Variants in REEP2 observed in about 807,000 individuals in gnomAD.
The protein encoded by REEP2 is receptor accessory protein 2, also known as receptor expression-enhancing protein 2.
REEP2 carries 9 observed loss-of-function variants against 32.1 expected under a neutral mutation model. The ratio of observed to expected loss-of-function variants is 0.28; its 90% CI spans 0.17 to 0.49. The LOEUF (loss-of-function observed/expected upper bound fraction) is 0.49, where lower values mean the gene tolerates loss of function less well. REEP2 is among the 20% of genes least tolerant of loss of function. REEP2 has a pLI of 0.99. For missense variants in REEP2, 236 were observed against 338.0 expected (o/e 0.70, Z 2.37); for synonymous variants, 128 against 139.1 (o/e 0.92, Z 0.56).
In REEP2 at chr5:138,444,546, A is replaced by G; in HGVS notation, c.303+11A>G. 6.2e-6 allele frequency: 10 copies of G among 1,613,026 alleles called. No individual in the cohort carries two copies. Among genetic ancestry groups the G allele is most frequent in the Non-Finnish European group, 8.5e-6 (10 of 1,179,458 alleles). On this transcript the variant is annotated intron_variant, in intron 4 of 7. Transcript: ENST00000378339. ...TCCAACAAGGAGAAGGTTTGCCCCC[A>G]CTCTCAGCTCACCTCCCAGCCTGCC...
chr5:138,439,824 G>A (rs531202588), intron 1 of REEP2: 137 of 452,438 alleles, frequency 3.0e-4, no homozygotes, highest in African/African-American at 2.6e-3. Context: ...CAAAGTGTGA[G>A]AGGTAACTGG....
At position 138,442,504 on chromosome 5, in the gene REEP2, A is replaced by G. The variant is rs548953734; in HGVS notation, c.182+1043A>G. ...AAGGCAGGCAGATCACGAGGTCAGG[A>G]GATCGAGACCATCCTGGCCAACACG... is the stretch of plus-strand genomic sequence containing the variant. On this transcript the variant is annotated intron_variant, in intron 3 of 7. Transcript: ENST00000378339. 5.3e-5 allele frequency among the ~76,000 whole-genome samples: 8 copies of G among 152,016 alleles called. No individual in the cohort carries two copies. The South Asian group carries it at 1.7e-3, about 32-fold the overall frequency.
chr5:138,444,939 A>G (rs982337044), intron 5 of REEP2, 72 bp downstream of exon 5: 11 of 1,151,960 alleles, frequency 9.5e-6, no homozygotes, highest in Admixed American at 9.2e-5. Flanking sequence ...GCCCCTTTGC[A>G]TCCACCCTGT....
At chr5:138,445,037 C>T (rs1207167284) in intron 5 of REEP2, 170 bp downstream of exon 5, 46 of 783,356 alleles carry the variant, frequency 5.9e-5, no homozygotes, top group South Asian at 4.5e-4. Flanking sequence ...TTTGATTGTC[C>T]GGCCATTTCC....
chr5:138,442,632 G>A (rs1763846360), intron 3 of REEP2, among the ~76,000 whole-genome samples: 1 of 152,060 alleles, frequency 6.6e-6, no homozygotes, highest in South Asian at 2.1e-4. Context: ...GAGGTGGGCG[G>A]ATCATGAAGT....
At chr5:138,440,869 T>C in intron 1 of REEP2, 147 bp from the exon 2 acceptor site, 1 of 1,465,438 alleles carries the variant, frequency 6.8e-7, no homozygotes, top group Non-Finnish European at 9.1e-7. Flanking sequence ...CCATGCTGCT[T>C]TGACCTTAAC....
At position 138,445,362 on chromosome 5, in the gene REEP2, C is replaced by T; in HGVS notation, c.552C>T (p.Thr184=). The T allele has an allele frequency of 6.2e-7, 1 of 1,612,582 alleles. No individual in the cohort carries two copies. The highest frequency in any genetic ancestry group is 1.3e-5 in the African/African-American group (1 of 75,012). ...LRPSPGSLLD[T]IEDLGDDPAL... is the part of the protein sequence containing the mutation. ...CCAGCCCTGGCAGCCTCCTGGACAC[C>T]ATCGAGGACTTAGGTACAGGCAGGG... Residue 184 remains threonine, a synonymous_variant, in exon 6 of 8, where the codon ACC becomes ACT. Coordinates refer to ENST00000378339, the MANE Select transcript of REEP2 (RefSeq NM_001271803.2).
chr5:138,439,170 C>T lies in REEP2; in HGVS notation c.-39C>T, dbSNP rs1763773630. 3.0e-6 allele frequency: 4 copies of T among 1,334,974 alleles called. No homozygotes were observed. Among genetic ancestry groups the T allele is most frequent in the Non-Finnish European group, 2.9e-6 (3 of 1,043,632 alleles). 82.7% of individuals were successfully genotyped at this position (1,334,974 alleles called of 1,614,324 possible). On this transcript the variant is annotated 5_prime_UTR_variant, in exon 1 of 8. Transcript: ENST00000378339. ...GGCCTCAGGCAGCTGCATCCTCGGC[C>T]GGGCCGGGTCCCCGCCCCGCGCCGC... is the stretch of plus-strand genomic sequence containing the variant.
chr5:138,444,976 C>T lies in REEP2; in HGVS notation c.417+109C>T, dbSNP rs962317116. 36 of 845,686 alleles carry T rather than the reference C, an allele frequency of 4.3e-5. No individual in the cohort carries two copies. In the African/African-American group the frequency reaches 5.3e-4, roughly 13 times the overall value. 52.4% of individuals were successfully genotyped at this position (845,686 alleles called of 1,614,324 possible). On this transcript the variant is annotated intron_variant, in intron 5 of 7. Coordinates refer to ENST00000378339, the MANE Select transcript of REEP2 (RefSeq NM_001271803.2). ...CTCGGGGCTGTAGAGACTCTGGGCT[C>T]ATGCAGCTGGAGGCTCCAGTCCAGG...
intron 3 of REEP2, among the ~76,000 whole-genome samples, chr5:138,443,199 C>T (rs1188354894): frequency 6.6e-6 from 1 of 151,980 alleles, no homozygotes; most frequent in Non-Finnish European, 1.5e-5. Context: ...GTGGCTCATG[C>T]CCATAATCAC....
At position 138,445,758 on chromosome 5, in the gene REEP2, C is replaced by T. The variant is rs772033671; in HGVS notation, c.*7C>T. The stretch of plus-strand genomic sequence containing the variant: ...CGGGGGCGACTCAGCTTGAGCCCCT[C>T]CACCCCCGCAGGCTGCAGAGCAAGG... On this transcript the variant is annotated 3_prime_UTR_variant, in exon 8 of 8. Transcript: ENST00000378339. 36 of 1,612,854 alleles carry T rather than the reference C, an allele frequency of 2.2e-5. No individual in the cohort carries two copies. The highest frequency in any genetic ancestry group is 1.6e-4 in the Middle Eastern group (1 of 6,078).
intron 1 of REEP2, 97 bp downstream of exon 1, chr5:138,439,337 C>A: frequency 8.1e-7 from 1 of 1,238,192 alleles, no homozygotes; most frequent in Non-Finnish European, 1.1e-6. Flanking sequence ...GCAGCAGAGT[C>A]ACCTAAAGGC....
intron 1 of REEP2, chr5:138,439,925 T>G (rs1449712651): frequency 8.1e-6 from 3 of 372,248 alleles, no homozygotes; most frequent in Non-Finnish European, 1.6e-5. Context: ...AGCCACACTG[T>G]GGAGCTGTGT....
At position 138,444,966 on chromosome 5, in the gene REEP2, ACT is replaced by A. The variant is rs1411842131; in HGVS notation, c.417+102_417+103del. 14 of 891,478 alleles carry A rather than the reference ACT, an allele frequency of 1.6e-5. No homozygotes were observed. In the South Asian group the frequency reaches 2.1e-4, roughly 13 times the overall value. The allele number at this position is 891,478 out of a possible 1,614,324, so 55.2% of individuals were successfully genotyped here. On this transcript the variant is annotated intron_variant, in intron 5 of 7. Coordinates refer to ENST00000378339, the MANE Select transcript of REEP2 (RefSeq NM_001271803.2). ...CCACCCTGTACTCGGGGCTGTAGAG[ACT>A]CTGGGCTCATGCAGCTGGAGGCTCC...
Position 138,441,371 on chromosome 5 carries a change from C to T in REEP2, c.106-14C>T, listed in dbSNP as rs1448888677. ...AGCCCCGTGCCCCAGCCAGCGCTTC[C>T]CTCTGTCCCTCAGGTGAAATGGATG... is the stretch of plus-strand genomic sequence containing the variant. On this transcript the variant is annotated splice_polypyrimidine_tract_variant and intron_variant, in intron 2 of 7. Coordinates refer to ENST00000378339, the MANE Select transcript of REEP2 (RefSeq NM_001271803.2). The surrounding 1 kb of genome is among the most constrained non-coding windows in gnomAD (Gnocchi z 4.4). 2 of 1,613,474 alleles carry T rather than the reference C, an allele frequency of 1.2e-6. No individual in the cohort carries two copies. Among genetic ancestry groups the T allele is most frequent in the East Asian group, 2.2e-5 (1 of 44,886 alleles).
In REEP2 at chr5:138,444,730, C is replaced by T. The variant is rs370192754; in HGVS notation, c.304-24C>T. On this transcript the variant is annotated intron_variant, in intron 4 of 7. Coordinates refer to ENST00000378339, the MANE Select transcript of REEP2 (RefSeq NM_001271803.2). ...AGGGTAGGGCAGGACCTCTCCTCTTCTCCCTTCCCCTCCAATCCCATAGGA... is the reference window on the plus strand; with the variant it reads ...AGGGTAGGGCAGGACCTCTCCTCTTTTCCCTTCCCCTCCAATCCCATAGGA... 1.6e-4 allele frequency: 251 copies of T among 1,605,692 alleles called. 2 individuals are homozygous for T. The Middle Eastern group carries it at 8.8e-3, about 56-fold the overall frequency.
chr5:138,440,907 G>A (rs1449793061), intron 1 of REEP2, 109 bp from the exon 2 acceptor site: 6 of 1,579,942 alleles, frequency 3.8e-6, no homozygotes, highest in Non-Finnish European at 5.1e-6. Flanking sequence ...CAGTCCAGCG[G>A]GGAGTTCTGT....
chr5:138,444,996 TC>T, intron 5 of REEP2, 129 bp downstream of exon 5: 1 of 782,586 alleles, frequency 1.3e-6, no homozygotes, highest in Non-Finnish European at 2.0e-6. Flanking sequence ...GAGGCTCCAG[TC>T]CAGGCTCTAC....
Position 138,445,495 on chromosome 5 carries a change from C to G in REEP2, c.593C>G (p.Ser198Cys). 1 of 1,614,196 alleles carries G rather than the reference C, an allele frequency of 6.2e-7. No individual in the cohort carries two copies. The highest frequency in any genetic ancestry group is 8.5e-7 in the Non-Finnish European group (1 of 1,180,032). The change falls in exon 7 of 8, where the codon TCC (serine) becomes TGC (cysteine). Residue 198 changes from serine to cysteine, a missense_variant. Transcript: ENST00000378339. Reference protein sequence around the residue: ...LGDDPALSLRSSTNPADSRTE... With the variant: ...LGDDPALSLRCSTNPADSRTE... ...GATGACCCTGCCCTGAGTCTAAGGTCCAGCACAAACCCGGCAGATTCCCGG... is the reference window on the plus strand; with the variant it reads ...GATGACCCTGCCCTGAGTCTAAGGTGCAGCACAAACCCGGCAGATTCCCGG...
Sources: gnomAD v4.1 joint callset for allele counts (sites outside exome capture counted in the v4.1 genomes callset) on GRCh38, gnomAD v4.1.1 for gene constraint, Gnocchi (gnomAD v3.1) non-coding constraint, MANE v1.5 for transcripts, NCBI Gene and HGNC (gene_info 2026-07-23, HGNC 2026-07-21) for gene names.